Variants in PCNX2 observed in about 807,000 individuals in gnomAD.
The protein encoded by PCNX2 is pecanex-like protein 2.
In PCNX2, 168 loss-of-function variants were observed where a neutral mutation model predicts 223.8. The observed-to-expected ratio is 0.75, with a 90% confidence interval of 0.66 to 0.85. The LOEUF is 0.85. Ranked by LOEUF, PCNX2 falls within the 40% of genes least tolerant of loss-of-function variation. The probability of loss-of-function intolerance (pLI) is 0.00; values close to 1 mark genes in which losing one functional copy is unlikely to be tolerated. For synonymous variants in PCNX2, 1,006 were observed against 1,052.6 expected (o/e 0.96, Z 0.86); for missense variants, 2,507 against 2,675.5 (o/e 0.94, Z 1.39).
chr1:233,255,749 T>C (rs904592592), intron 5 of PCNX2, among the ~76,000 whole-genome samples: 19 of 152,322 alleles, frequency 1.2e-4, no homozygotes, highest in Admixed American at 7.2e-4. Context: ...TCAAGCACTG[T>C]CCTACTAATG....
In PCNX2 at chr1:233,185,877, G is replaced by A. The variant is rs575915452; in HGVS notation, c.3067-6702C>T. Among the ~76,000 whole-genome samples, 3 of 152,262 alleles carry A rather than the reference G, an allele frequency of 2.0e-5. No individual in the cohort carries two copies. The East Asian group carries it at 5.8e-4, about 29-fold the overall frequency. On this transcript the variant is annotated intron_variant, in intron 15 of 33. Transcript: ENST00000258229. The stretch of plus-strand genomic sequence containing the variant: ...GAATGATAAGGATTGATGAGTGCTG[G>A]TTTCATAAAACTCCCACAGGTTTTG...
intron 28 of PCNX2, among the ~76,000 whole-genome samples, chr1:233,002,132 T>A (rs983079589): frequency 6.6e-6 from 1 of 152,180 alleles, no homozygotes; most frequent in African/African-American, 2.4e-5. Flanking sequence ...TCTGGGGCTA[T>A]GTCATTGGAT....
At chr1:233,250,854 G>A in intron 7 of PCNX2, 22 bp from the exon 8 acceptor site, 2 of 1,554,714 alleles carry the variant, frequency 1.3e-6, no homozygotes, top group Admixed American at 1.9e-5. Flanking sequence ...GAAAATTTCA[G>A]CAAAGAATAT....
At position 233,127,763 on chromosome 1, in the gene PCNX2, A is replaced by G. The variant is rs1676184504; in HGVS notation, c.3837+7250T>C. On this transcript the variant is annotated intron_variant, in intron 21 of 33. Transcript: ENST00000258229. ...AGCTGTTGTGAAGATTACATATGTT[A>G]TTATGCACAAAGTGTTCAGAACAGT... Among the ~76,000 whole-genome samples the G allele has an allele frequency of 2.6e-5, 4 of 152,210 alleles. No individual in the cohort carries two copies. The South Asian group carries it at 6.2e-4, about 24-fold the overall frequency.
chr1:233,322,675 A>G, the PCNX2 span, among the ~76,000 whole-genome samples: 2 of 152,146 alleles, frequency 1.3e-5, no homozygotes, highest in Non-Finnish European at 2.9e-5. Flanking sequence ...TTGTTTTGGC[A>G]GGCAGCAGAA....
At chr1:233,081,017 C>T (rs114052899) in intron 23 of PCNX2, among the ~76,000 whole-genome samples, 13 of 152,266 alleles carry the variant, frequency 8.5e-5, no homozygotes, top group African/African-American at 2.9e-4. Context: ...CAGGTCATAG[C>T]CTCAAATAGG....
chr1:233,263,919 C>G (rs914493125), intron 1 of PCNX2, among the ~76,000 whole-genome samples: 1 of 152,166 alleles, frequency 6.6e-6, no homozygotes, highest in Admixed American at 6.5e-5. Flanking sequence ...ACCACTCCCC[C>G]ATTCCCCTCC....
chr1:233,135,909 A>G (rs1401694994), intron 20 of PCNX2, among the ~76,000 whole-genome samples: 1 of 152,192 alleles, frequency 6.6e-6, no homozygotes, highest in Non-Finnish European at 1.5e-5. Flanking sequence ...AGGCAAAGAA[A>G]TACCCTTCTA....
intron 9 of PCNX2, chr1:233,231,754 G>T: frequency 1.3e-6 from 1 of 745,274 alleles, no homozygotes; most frequent in Non-Finnish European, 1.6e-6. Flanking sequence ...GGTTGGTAGG[G>T]ACTCTGGTGT....
At chr1:233,232,861 T>A in intron 9 of PCNX2, 1 of 985,358 alleles carries the variant, frequency 1.0e-6, no homozygotes. Flanking sequence ...CGTCATGCTA[T>A]CCATAATGAT....
chr1:233,155,908 T>A (rs1678092377), intron 19 of PCNX2, among the ~76,000 whole-genome samples: 1 of 152,328 alleles, frequency 6.6e-6, no homozygotes, highest in Non-Finnish European at 1.5e-5. Context: ...CAAGCTAGAA[T>A]AATATGCAGT....
At chr1:233,211,436 T>G (rs541784921) in intron 12 of PCNX2, among the ~76,000 whole-genome samples, 1 of 152,238 alleles carries the variant, frequency 6.6e-6, no homozygotes, top group African/African-American at 2.4e-5. Context: ...CCAGCTATTC[T>G]TTTTGACAAC....
chr1:233,089,083 A>T (rs1673744763), intron 23 of PCNX2, among the ~76,000 whole-genome samples: 1 of 152,144 alleles, frequency 6.6e-6, no homozygotes, highest in Non-Finnish European at 1.5e-5. Context: ...TTTATAAACC[A>T]TCTCTCGGGA....
chr1:233,021,529 A>G (rs544852582), intron 26 of PCNX2, among the ~76,000 whole-genome samples: 37 of 152,200 alleles, frequency 2.4e-4, no homozygotes, highest in Non-Finnish European at 4.7e-4. Flanking sequence ...GTCCCACCCC[A>G]GGCCCATGGA....
intron 12 of PCNX2, among the ~76,000 whole-genome samples, chr1:233,217,235 A>G (rs970957017): frequency 6.6e-6 from 1 of 152,214 alleles, no homozygotes; most frequent in African/African-American, 2.4e-5. Context: ...AAAAAAAATG[A>G]TAACTATATG....
intron 23 of PCNX2, among the ~76,000 whole-genome samples, chr1:233,073,337 G>T (rs1287918442): frequency 6.6e-6 from 1 of 152,038 alleles, no homozygotes; most frequent in African/African-American, 2.4e-5. Flanking sequence ...ACAAACTTTT[G>T]ATTTTATTTA....
chr1:233,120,719 G>A (rs1675732666), intron 21 of PCNX2, among the ~76,000 whole-genome samples: 1 of 151,998 alleles, frequency 6.6e-6, no homozygotes, highest in Non-Finnish European at 1.5e-5. Flanking sequence ...TAACATTCTT[G>A]AAACATCAAA....
chr1:233,248,379 C>A (rs1659252335), intron 8 of PCNX2, among the ~76,000 whole-genome samples: 1 of 151,972 alleles, frequency 6.6e-6, no homozygotes, highest in Admixed American at 6.6e-5. Flanking sequence ...ATGGCTCAGT[C>A]AGAACCAATC....
intron 1 of PCNX2, chr1:233,294,057 A>T (rs1661928215): frequency 1.1e-6 from 1 of 924,112 alleles, no homozygotes; most frequent in Non-Finnish European, 1.3e-6. Flanking sequence ...ATTTTGGTTA[A>T]TTTTTCTGTG....
Sources: gnomAD v4.1 joint callset for allele counts (sites outside exome capture counted in the v4.1 genomes callset) on GRCh38, gnomAD v4.1.1 for gene constraint, MANE v1.5 for transcripts, NCBI Gene and HGNC (gene_info 2026-07-23, HGNC 2026-07-21) for gene names.